The following CNOT9 variants were observed in gnomAD, a reference collection of about 807,000 sequenced individuals.
CNOT9 encodes the protein CCR4-NOT transcription complex subunit 9, also known as RCD1 required for cell differentiation1 homolog.
A neutral mutation model predicts 37.4 loss-of-function variants in CNOT9; 8 were observed. That is an observed-to-expected ratio of 0.21 (90% CI 0.13 to 0.39). The LOEUF is 0.39. Among genes scored for constraint, CNOT9 ranks in the 10% least tolerant of loss-of-function variants. The probability of loss-of-function intolerance (pLI) is 1.00; values close to 1 mark genes in which losing one functional copy is unlikely to be tolerated. For missense variants in CNOT9, 154 were observed against 365.3 expected, an observed-to-expected ratio of 0.42 and a Z score of 4.71; for synonymous variants, 120 against 137.6, an observed-to-expected ratio of 0.87 and a Z score of 0.90.
intron 1 of CNOT9, among the ~76,000 whole-genome samples, chr2:218,579,221 G>A (rs1264375543): frequency 6.6e-6 from 1 of 152,160 alleles, no homozygotes; most frequent in Non-Finnish European, 1.5e-5. Context: ...AACCTTAGAG[G>A]TAACTACAGT....
chr2:218,574,988 C>G (rs1694118017), intron 1 of CNOT9, among the ~76,000 whole-genome samples: 1 of 152,098 alleles, frequency 6.6e-6, no homozygotes, highest in South Asian at 2.1e-4. Context: ...AGATTAGACT[C>G]TCACAACTAA....
intron 1 of CNOT9, among the ~76,000 whole-genome samples, chr2:218,575,555 A>G (rs1694139551): frequency 6.6e-6 from 1 of 150,716 alleles, no homozygotes; most frequent in African/African-American, 2.4e-5. Context: ...GGTGCCTGCC[A>G]CCACACCTGG....
rs769567492 is a variant in CNOT9, at chr2:218,583,004, C to T, written c.238C>T (p.Pro80Ser). Residue 80 changes from proline (P) to serine (S), a missense_variant, in exon 3 of 8, where the codon CCC becomes TCC. This residue lies in a region of CNOT9 where 117 missense variants were observed against 325.4 expected (regional missense o/e 0.36). Transcript: ENST00000273064. ...IVNIYPSINP[P>S]TLTAHQSNRV... The stretch of plus-strand genomic sequence containing the variant: ...AAATATTTATCCATCTATCAACCCA[C>T]CCACCTTGACAGCACACCAGTCTAA... 5 of 1,613,436 alleles carry T rather than the reference C, an allele frequency of 3.1e-6. No individual in the cohort carries two copies. The highest frequency in any genetic ancestry group is 4.2e-6 in the Non-Finnish European group (5 of 1,179,516).
At position 218,568,907 on chromosome 2, in the gene CNOT9, C is replaced by T. The variant is rs1463219349; in HGVS notation, c.-48C>T. On this transcript the variant is annotated 5_prime_UTR_variant, in exon 1 of 8. Coordinates refer to ENST00000273064, the MANE Select transcript of CNOT9 (RefSeq NM_005444.3). ...CTGCAGGGGTGCTGAAGGGGGGACG[C>T]GGGTCGGACGCGTCCGGCTGTGGAA... The T allele has an allele frequency of 6.3e-6, 10 of 1,591,248 alleles. No individual in the cohort carries two copies. The highest frequency in any genetic ancestry group is 6.8e-6 in the Non-Finnish European group (8 of 1,168,070).
intron 4 of CNOT9, chr2:218,587,368 C>T (rs1694630356): frequency 1.1e-6 from 1 of 912,938 alleles, no homozygotes; most frequent in Non-Finnish European, 1.4e-6. Flanking sequence ...AGTGATCTGC[C>T]CGCCTCGGCC....
chr2:218,569,088 C>T (rs1693846328), intron 1 of CNOT9, 110 bp downstream of exon 1: 5 of 1,226,122 alleles, frequency 4.1e-6, no homozygotes, highest in Non-Finnish European at 4.6e-6. Flanking sequence ...TTTTTCTGCC[C>T]TCAATCTCCA....
chr2:218,593,528 G>A (rs1426123944), intron 7 of CNOT9: 2 of 1,490,398 alleles, frequency 1.3e-6, no homozygotes, highest in African/African-American at 1.4e-5. Flanking sequence ...CCTTTTTTAG[G>A]TTTTCAGATT....
chr2:218,592,764 T>C lies in CNOT9; in HGVS notation c.731+57T>C. On this transcript the variant is annotated intron_variant, in intron 7 of 7. Transcript: ENST00000273064. This position sits in a 1 kb window ranked among gnomAD's most constrained non-coding sequence, Gnocchi z 4.1. ...GGAAATACTCTGCTGAACAGTTTCCTAATCTCATGGCATAGCTCCTGTGTC... is the reference window on the plus strand; with the variant it reads ...GGAAATACTCTGCTGAACAGTTTCCCAATCTCATGGCATAGCTCCTGTGTC... 7.3e-7 allele frequency: 1 copy of C among 1,367,162 alleles called. No homozygotes were observed. The allele number at this position is 1,367,162 out of a possible 1,614,324, so 84.7% of individuals were successfully genotyped here.
chr2:218,587,428 T>C (rs1694632959), intron 4 of CNOT9, 158 bp from the exon 5 acceptor site: 1 of 558,920 alleles, frequency 1.8e-6, no homozygotes, highest in African/African-American at 2.8e-5. Flanking sequence ...GCCCTCTTCC[T>C]TTTTTTTTTT....
chr2:218,583,024 G>T lies in CNOT9; in HGVS notation c.258G>T (p.Gln86His). The T allele has an allele frequency of 6.2e-7, 1 of 1,613,824 alleles. No individual in the cohort carries two copies. Among genetic ancestry groups the T allele is most frequent in the Non-Finnish European group, 8.5e-7 (1 of 1,179,932 alleles). Reference sequence around the variant, plus strand: ...ACCCACCCACCTTGACAGCACACCAGTCTAACAGAGTTTGCAATGCTCTGG... The same window carrying T: ...ACCCACCCACCTTGACAGCACACCATTCTAACAGAGTTTGCAATGCTCTGG... ...SINPPTLTAH[Q>H]SNRVCNALAL... Residue 86 changes from glutamine (Q) to histidine (H), a missense_variant, in exon 3 of 8, where the codon CAG becomes CAT. Coordinates refer to ENST00000273064, the MANE Select transcript of CNOT9 (RefSeq NM_005444.3).
rs2106099560 is a variant in CNOT9 at position 218,592,094 on chromosome 2, C to T, written c.541-210C>T. ...AAAATAAGATAAGCATGTAAAGCCTCTAGAAAAAAAAACTGGTACAAAGTA... is the reference window on the plus strand; with the variant it reads ...AAAATAAGATAAGCATGTAAAGCCTTTAGAAAAAAAAACTGGTACAAAGTA... On this transcript the variant is annotated intron_variant, in intron 5 of 7. Coordinates refer to ENST00000273064, the MANE Select transcript of CNOT9 (RefSeq NM_005444.3). The surrounding 1 kb of genome is among the most constrained non-coding windows in gnomAD (Gnocchi z 4.1). 6.6e-6 allele frequency among the ~76,000 whole-genome samples: 1 copy of T among 151,878 alleles called. No homozygotes were observed. Among genetic ancestry groups the T allele is most frequent in the South Asian group, 2.1e-4 (1 of 4,804 alleles).
intron 1 of CNOT9, among the ~76,000 whole-genome samples, chr2:218,570,035 G>T (rs1034305786): frequency 1.3e-5 from 2 of 152,098 alleles, no homozygotes; most frequent in African/African-American, 4.8e-5. Context: ...GCAGGGACAG[G>T]GATCATGTGA....
Position 218,595,516 on chromosome 2 carries a change from C to G in CNOT9, c.*1240C>G, listed in dbSNP as rs1694905928. 1 of 141,380 alleles carries G rather than the reference C, an allele frequency of 7.1e-6. No individual in the cohort carries two copies. Among genetic ancestry groups the G allele is most frequent in the Non-Finnish European group, 1.5e-5 (1 of 66,638 alleles). 8.8% of individuals were successfully genotyped at this position (141,380 alleles called of 1,614,324 possible). A position where few individuals can be genotyped will look rare whatever the true frequency, so the allele number is the denominator to read the frequency against. The stretch of plus-strand genomic sequence containing the variant: ...CATATCGTGTCAGAGATTTCCTCTT[C>G]TCTGGAGCTTAGGTGGCTCTTCACA... On this transcript the variant is annotated 3_prime_UTR_variant, in exon 8 of 8. Coordinates refer to ENST00000273064, the MANE Select transcript of CNOT9 (RefSeq NM_005444.3).
intron 5 of CNOT9, among the ~76,000 whole-genome samples, chr2:218,587,989 C>T (rs144095236): frequency 1.2e-3 from 177 of 152,118 alleles, no homozygotes; most frequent in African/African-American, 3.6e-3. Flanking sequence ...CTTCTATAAC[C>T]GGGCTTTTTT....
intron 4 of CNOT9, chr2:218,587,289 A>C (rs1694626265): frequency 5.0e-6 from 1 of 201,512 alleles, no homozygotes; most frequent in South Asian, 1.5e-4. Flanking sequence ...TGCCTTGCTA[A>C]TTTTTGTATT....
intron 5 of CNOT9, among the ~76,000 whole-genome samples, chr2:218,589,886 C>A (rs1244041944): frequency 6.6e-6 from 1 of 152,104 alleles, no homozygotes; most frequent in Non-Finnish European, 1.5e-5. Context: ...AGAAGCCAGA[C>A]ACATGGGAAT....
chr2:218,573,656 T>C, intron 1 of CNOT9: 1 of 152,448 alleles, frequency 6.6e-6, no homozygotes, highest in East Asian at 1.9e-4. Context: ...ATAAATGTCA[T>C]GTTTTATTTA....
At chr2:218,590,719 G>T (rs1373484504) in intron 5 of CNOT9, among the ~76,000 whole-genome samples, 1 of 152,144 alleles carries the variant, frequency 6.6e-6, no homozygotes, top group African/African-American at 2.4e-5. Context: ...TTCAGATCCA[G>T]CGATGTGGCA....
chr2:218,587,474 C>T, intron 4 of CNOT9, 112 bp from the exon 5 acceptor site: 3 of 1,322,338 alleles, frequency 2.3e-6, no homozygotes, highest in Admixed American at 3.7e-5. Flanking sequence ...TAACAAACCC[C>T]AGTTTGTGTT....
Sources: allele counts gnomAD v4.1 joint callset (sites outside exome capture counted in the v4.1 genomes callset), GRCh38; gene constraint gnomAD v4.1.1; regional missense constraint gnomAD v4.1.1; non-coding constraint Gnocchi (gnomAD v3.1); transcripts MANE v1.5; gene names NCBI Gene and HGNC (gene_info 2026-07-23, HGNC 2026-07-21).